MARCHF2: variants seen among roughly 807,000 people sequenced by gnomAD.
MARCHF2 encodes membrane associated ring-CH-type finger 2.
Under a neutral mutation model 24.0 loss-of-function variants are expected in MARCHF2, and 22 were observed. That is an observed-to-expected ratio of 0.92 (90% CI 0.66 to 1.31). The LOEUF (loss-of-function observed/expected upper bound fraction) is 1.31. Among genes scored for constraint, MARCHF2 ranks in the 50% most tolerant of loss-of-function variants. MARCHF2 has a pLI of 0.00. For synonymous variants in MARCHF2, 154 were observed against 153.0 expected (o/e 1.01, Z -0.05); for missense variants, 301 against 335.3 (o/e 0.90, Z 0.80).
chr19:8,436,583 T>C lies in MARCHF2; in HGVS notation c.583-1805T>C, dbSNP rs545988238. Among the ~76,000 whole-genome samples the C allele has an allele frequency of 4.6e-5, 7 of 152,200 alleles. No homozygotes were observed. In the South Asian group the frequency reaches 6.2e-4, roughly 14 times the overall value. On this transcript the variant is annotated intron_variant, in intron 4 of 4. Transcript: ENST00000215555. ...TGGTTTAGCCTTTTCCAGAATGTCC[T>C]ATAGTTGGAGTCATTCAGTATGCAG...
rs34099346 is a variant in MARCHF2 at position 8,438,461 on chromosome 19, G to A, written c.656G>A (p.Arg219Gln). 75 of 1,613,960 alleles carry A rather than the reference G, an allele frequency of 4.6e-5. No individual in the cohort carries two copies. In the East Asian group the frequency reaches 1.4e-3, roughly 30 times the overall value. ...KTNQKVRLKI[R>Q]EADSPEGPQH... Reference sequence around the variant, plus strand: ...AACCAGAAAGTTCGCCTGAAGATCCGGGAGGCGGACAGCCCCGAGGGCCCC... The same window carrying A: ...AACCAGAAAGTTCGCCTGAAGATCCAGGAGGCGGACAGCCCCGAGGGCCCC... Residue 219 changes from arginine to glutamine, a missense_variant, in exon 5 of 5, where the codon CGG becomes CAG. Coordinates refer to ENST00000215555, the MANE Select transcript of MARCHF2 (RefSeq NM_001005415.2).
chr19:8,435,842 G>GTGTGTA (rs1555694588), intron 4 of MARCHF2, among the ~76,000 whole-genome samples: 2 of 150,852 alleles, frequency 1.3e-5, no homozygotes, highest in Non-Finnish European at 3.0e-5. Flanking sequence ...GTGTGTGTGT[G>GTGTGTA]TGTGTGTGTG....
intron 1 of MARCHF2, among the ~76,000 whole-genome samples, chr19:8,414,597 A>G (rs1967031146): frequency 6.6e-6 from 1 of 152,116 alleles, no homozygotes; most frequent in African/African-American, 2.4e-5. Context: ...CATTTTAGAG[A>G]TGATAATACT....
intron 1 of MARCHF2, among the ~76,000 whole-genome samples, chr19:8,416,667 A>G (rs1380529334): frequency 6.6e-6 from 1 of 151,980 alleles, no homozygotes; most frequent in Non-Finnish European, 1.5e-5. Context: ...CCTGGGTGCA[A>G]GCGATTCTCC....
intron 2 of MARCHF2, 143 bp downstream of exon 2, chr19:8,422,159 C>G: frequency 1.1e-6 from 1 of 872,536 alleles, no homozygotes; most frequent in Non-Finnish European, 1.7e-6. Context: ...AAACAGTTAT[C>G]GCCTTGTGGA....
intron 3 of MARCHF2, among the ~76,000 whole-genome samples, chr19:8,429,260 C>T (rs993425879): frequency 9.9e-5 from 15 of 151,972 alleles, no homozygotes; most frequent in Admixed American, 6.6e-5. Context: ...CATTTCATAC[C>T]TCCACTGCCA....
intron 2 of MARCHF2, chr19:8,423,534 G>A (rs961758411): frequency 6.6e-6 from 1 of 151,986 alleles, no homozygotes; most frequent in Non-Finnish European, 1.5e-5. Context: ...GGGTGGGATC[G>A]GGGTATGGGT....
At chr19:8,419,689 G>A (rs1188624537) in intron 1 of MARCHF2, among the ~76,000 whole-genome samples, 6 of 148,724 alleles carry the variant, frequency 4.0e-5, no homozygotes, top group Admixed American at 2.0e-4. Flanking sequence ...GGTGGCGGGC[G>A]CCTGTAGACC....
At chr19:8,425,477 C>T (rs1301023949) in intron 2 of MARCHF2, among the ~76,000 whole-genome samples, 3 of 151,894 alleles carry the variant, frequency 2.0e-5, no homozygotes, top group Admixed American at 6.6e-5. Context: ...AACTCCTCGG[C>T]TCAAGTGATC....
rs538573901 is a variant in MARCHF2, at chr19:8,433,591, G to A, written c.582+2724G>A. Among the ~76,000 whole-genome samples, 9 of 149,748 alleles carry A rather than the reference G, an allele frequency of 6.0e-5. No individual in the cohort carries two copies. In the East Asian group the frequency reaches 9.9e-4, roughly 16 times the overall value. Reference sequence around the variant, plus strand: ...CTCAAGAGGCTGAGGCAGGAGAATCGATTGAACCTGGGAGGCAGATGTTGC... The same window carrying A: ...CTCAAGAGGCTGAGGCAGGAGAATCAATTGAACCTGGGAGGCAGATGTTGC... On this transcript the variant is annotated intron_variant, in intron 4 of 4. Transcript: ENST00000215555.
intron 1 of MARCHF2, among the ~76,000 whole-genome samples, chr19:8,414,004 C>T (rs945799781): frequency 2.6e-5 from 4 of 152,140 alleles, no homozygotes; most frequent in Admixed American, 2.6e-4. Context: ...AAGTGTCTTG[C>T]CCAGGGCCAC....
intron 4 of MARCHF2, among the ~76,000 whole-genome samples, chr19:8,433,267 G>T (rs1159264004): frequency 6.6e-6 from 1 of 151,944 alleles, no homozygotes; most frequent in Admixed American, 6.6e-5. Context: ...AAAAGGCTGG[G>T]TGCAGTGGCT....
rs59542078 is a variant in MARCHF2, at chr19:8,428,649, C to CA, written c.372+1879dup. On this transcript the variant is annotated intron_variant, in intron 3 of 4. Coordinates refer to ENST00000215555, the MANE Select transcript of MARCHF2 (RefSeq NM_001005415.2). ...TGGGCAACAGATTGAGACTCTATCT[C>CA]AAAAAAAAAAAAAAAAAAAAAAAAA... 5.7e-3 allele frequency among the ~76,000 whole-genome samples: 175 copies of CA among 30,650 alleles called. 18 individuals are homozygous for CA. Among genetic ancestry groups the CA allele is most frequent in the African/African-American group, 0.012 (95 of 7,602 alleles). The allele number at this position is 30,650 out of a possible 152,430, so 20.1% of individuals were successfully genotyped here. A position where few individuals can be genotyped will look rare whatever the true frequency, so the allele number is the denominator to read the frequency against.
chr19:8,434,056 T>A (rs1005253418), intron 4 of MARCHF2, among the ~76,000 whole-genome samples: 1 of 151,446 alleles, frequency 6.6e-6, no homozygotes, highest in Admixed American at 6.6e-5. Context: ...TCACAAAGTA[T>A]TTTTCAATGA....
rs372612472 is a variant in MARCHF2, at chr19:8,426,669, G to A, written c.237G>A (p.Pro79=). 9.9e-6 allele frequency: 16 copies of A among 1,613,916 alleles called. No homozygotes were observed. The Admixed American group carries it at 1.3e-4, about 13-fold the overall frequency. ...CGAACGGGGAGTGCTTGCTGTCCCC[G>A]TGTGGCTGCACCGGCACGCTGGGTG... is the stretch of plus-strand genomic sequence containing the variant. ...EGANGECLLS[P]CGCTGTLGAV... Residue 79 remains proline, a synonymous_variant, in exon 3 of 5, where the codon CCG becomes CCA. Transcript: ENST00000215555.
At chr19:8,426,230 C>CAA (rs71175854) in intron 2 of MARCHF2, among the ~76,000 whole-genome samples, 934 of 41,720 alleles carry the variant, frequency 0.022, 55 homozygotes, top group Non-Finnish European at 0.033. Context: ...GACTCTGTCT[C>CAA]AAAAAAAAAA....
At chr19:8,416,502 G>A (rs1019380952) in intron 1 of MARCHF2, among the ~76,000 whole-genome samples, 2 of 152,088 alleles carry the variant, frequency 1.3e-5, no homozygotes, top group Non-Finnish European at 2.9e-5. Context: ...GGCTAAATAC[G>A]TAGGTGAATA....
At chr19:8,422,919 G>C (rs1301023580) in intron 2 of MARCHF2, among the ~76,000 whole-genome samples, 1 of 143,120 alleles carries the variant, frequency 7.0e-6, no homozygotes, top group African/African-American at 2.6e-5. Flanking sequence ...TGGCCAGGCT[G>C]ATCTTGATCT....
At position 8,422,005 on chromosome 19, in the gene MARCHF2, G is replaced by A. The variant is rs747759739; in HGVS notation, c.165G>A (p.Leu55=). The change falls in exon 2 of 5, where the codon TTG becomes TTA. Residue 55 remains leucine (L), a synonymous_variant. Coordinates refer to ENST00000215555, the MANE Select transcript of MARCHF2 (RefSeq NM_001005415.2). The part of the protein sequence containing the change: ...GRLLSTVIRA[L]DTPSDGPFCR... ...TCCTCTCCACCGTCATCCGTGCCTT[G>A]GACACACCGAGGTGAGTGGTGACTG... The A allele has an allele frequency of 2.5e-5, 40 of 1,611,112 alleles. No homozygotes were observed. Among genetic ancestry groups the A allele is most frequent in the Non-Finnish European group, 3.4e-5 (40 of 1,178,746 alleles).
Sources: allele counts gnomAD v4.1 joint callset (sites outside exome capture counted in the v4.1 genomes callset), GRCh38; gene constraint gnomAD v4.1.1; transcripts MANE v1.5; gene names NCBI Gene and HGNC (gene_info 2026-07-23, HGNC 2026-07-21).